EIPR1: variants seen among roughly 807,000 people sequenced by gnomAD.
EIPR1 encodes the protein EARP complex and GARP complex interacting protein 1.
Under a neutral mutation model 48.1 loss-of-function variants are expected in EIPR1, and 25 were observed. That is an observed-to-expected ratio of 0.52 (90% CI 0.38 to 0.73). The LOEUF is 0.73. Ranked by LOEUF, EIPR1 falls within the 30% of genes least tolerant of loss-of-function variation. The pLI is 0.00. For synonymous variants in EIPR1, 204 were observed against 201.9 expected, an observed-to-expected ratio of 1.01 and a Z score of -0.09; for missense variants, 415 against 506.2, an observed-to-expected ratio of 0.82 and a Z score of 1.73.
chr2:3,269,194 C>T (rs984494354), intron 3 of EIPR1, among the ~76,000 whole-genome samples: 1 of 151,838 alleles, frequency 6.6e-6, no homozygotes, highest in African/African-American at 2.4e-5. Context: ...AGCAGCCACA[C>T]TCAATCATCA....
chr2:3,202,023 A>G (rs557564711), intron 5 of EIPR1, among the ~76,000 whole-genome samples: 4 of 152,228 alleles, frequency 2.6e-5, no homozygotes, highest in South Asian at 2.1e-4. Flanking sequence ...TGCAAGCTCC[A>G]ATTCCCGGGG....
At chr2:3,240,458 A>T (rs1215894021) in intron 4 of EIPR1, among the ~76,000 whole-genome samples, 1 of 143,190 alleles carries the variant, frequency 7.0e-6, no homozygotes, top group African/African-American at 2.6e-5. Context: ...AAAGCAGGAG[A>T]TCCTTCCTCA....
chr2:3,211,721 C>T (rs762945721), intron 5 of EIPR1, among the ~76,000 whole-genome samples: 12 of 152,238 alleles, frequency 7.9e-5, no homozygotes, highest in South Asian at 2.1e-4. Context: ...CAAGGAGCTC[C>T]TGCTCTCCTG....
chr2:3,350,166 A>AGG (rs1347830595), intron 2 of EIPR1, among the ~76,000 whole-genome samples: 1 of 149,486 alleles, frequency 6.7e-6, no homozygotes, highest in African/African-American at 2.4e-5. Context: ...TGGGTAGTTT[A>AGG]TAAAGAAAAG....
chr2:3,192,820 A>C (rs569944188), intron 7 of EIPR1, among the ~76,000 whole-genome samples: 10 of 152,074 alleles, frequency 6.6e-5, no homozygotes, highest in Non-Finnish European at 1.2e-4. Context: ...TGAAACCTAC[A>C]GGAGGAGAAG....
Position 3,192,520 on chromosome 2 carries a change from T to C in EIPR1, c.883A>G (p.Ser295Gly). 1 of 1,613,148 alleles carries C rather than the reference T, an allele frequency of 6.2e-7. No homozygotes were observed. The highest frequency in any genetic ancestry group is 8.5e-7 in the Non-Finnish European group (1 of 1,179,910). ...ACCATGTTGGAAAGGATGACTCTGC[T>C]GTCACTGCTGCCCGTGAGGACCAGC... The part of the protein sequence containing the change: ...DQLVLTGSSD[S>G]RVILSNMVSI... The change falls in exon 8 of 9, where the codon AGC becomes GGC. Residue 295 changes from serine to glycine, a missense_variant. Coordinates refer to ENST00000382125, the MANE Select transcript of EIPR1 (RefSeq NM_003310.5).
chr2:3,313,330 G>A (rs923071389), intron 3 of EIPR1, among the ~76,000 whole-genome samples: 3 of 152,156 alleles, frequency 2.0e-5, no homozygotes, highest in Non-Finnish European at 2.9e-5. Flanking sequence ...AAGATCGAAG[G>A]CTGAGAGAGC....
intron 3 of EIPR1, among the ~76,000 whole-genome samples, chr2:3,273,785 ACTTAGGGCAGCCTGATAGGAGC>A (rs1255553101): frequency 5.3e-5 from 8 of 152,202 alleles, no homozygotes. Flanking sequence ...GGCCCCACCG[ACTTAGGGCAGCCTGATAGGAGC>A]CTGTGACCCA....
At chr2:3,358,287 T>C (rs1321646840) in intron 1 of EIPR1, among the ~76,000 whole-genome samples, 1 of 152,226 alleles carries the variant, frequency 6.6e-6, no homozygotes, top group Non-Finnish European at 1.5e-5. Context: ...AACAAGGACA[T>C]CTCTTGGGTG....
intron 2 of EIPR1, among the ~76,000 whole-genome samples, chr2:3,352,624 G>A (rs1011648337): frequency 8.5e-5 from 13 of 152,210 alleles, no homozygotes; most frequent in Admixed American, 2.0e-4. Context: ...ATAGCCTAAC[G>A]CTACATCACA....
At chr2:3,367,122 G>T (rs371113044) in intron 1 of EIPR1, among the ~76,000 whole-genome samples, 4 of 145,454 alleles carry the variant, frequency 2.8e-5, no homozygotes, top group African/African-American at 5.0e-5. Context: ...AAAAAAAAAA[G>T]GGAACAACCT....
chr2:3,249,363 T>C (rs534573283), intron 4 of EIPR1, among the ~76,000 whole-genome samples: 6 of 152,196 alleles, frequency 3.9e-5, no homozygotes, highest in Non-Finnish European at 7.3e-5. Flanking sequence ...AGTTTGAACT[T>C]AAAAGAAATG....
chr2:3,336,620 T>G (rs1670049361), intron 3 of EIPR1, among the ~76,000 whole-genome samples: 1 of 151,934 alleles, frequency 6.6e-6, no homozygotes, highest in Non-Finnish European at 1.5e-5. Context: ...ATATAAAAAT[T>G]AGCAGGGCAT....
chr2:3,289,334 G>C (rs1668298872), intron 3 of EIPR1, among the ~76,000 whole-genome samples: 1 of 152,202 alleles, frequency 6.6e-6, no homozygotes, highest in Non-Finnish European at 1.5e-5. Flanking sequence ...TGTCCAGACA[G>C]AGGATGGGGC....
At chr2:3,313,983 C>T (rs1669207053) in intron 3 of EIPR1, among the ~76,000 whole-genome samples, 1 of 152,110 alleles carries the variant, frequency 6.6e-6, no homozygotes, top group Non-Finnish European at 1.5e-5. Context: ...GGCCCTGAGC[C>T]GCTGGGACCC....
intron 1 of EIPR1, among the ~76,000 whole-genome samples, chr2:3,359,430 C>A (rs1670803758): frequency 6.6e-6 from 1 of 152,086 alleles, no homozygotes; most frequent in South Asian, 2.1e-4. Context: ...AAAAACAAGT[C>A]TAAATAGATC....
intron 4 of EIPR1, among the ~76,000 whole-genome samples, chr2:3,256,982 C>G (rs1174514570): frequency 1.3e-5 from 2 of 152,190 alleles, no homozygotes; most frequent in Non-Finnish European, 2.9e-5. Flanking sequence ...GCATGCTGAC[C>G]AAGCTGAAAA....
At chr2:3,261,406 A>G (rs1027716845) in intron 3 of EIPR1, among the ~76,000 whole-genome samples, 2 of 152,186 alleles carry the variant, frequency 1.3e-5, no homozygotes. Context: ...CCAGATCCAG[A>G]TTTGAGGCAG....
intron 3 of EIPR1, among the ~76,000 whole-genome samples, chr2:3,300,489 T>C (rs985956285): frequency 6.6e-6 from 1 of 152,172 alleles, no homozygotes; most frequent in Non-Finnish European, 1.5e-5. Context: ...TGGACTGGGC[T>C]CCCAGCAGTC....
Sources: gnomAD v4.1 joint callset for allele counts (sites outside exome capture counted in the v4.1 genomes callset) on GRCh38, gnomAD v4.1.1 for gene constraint, MANE v1.5 for transcripts, NCBI Gene and HGNC (gene_info 2026-07-23, HGNC 2026-07-21) for gene names.